The following FCRL3 variants were observed in gnomAD, a reference collection of about 807,000 sequenced individuals.
FCRL3 encodes the protein Fc receptor-like protein 3.
Under a neutral mutation model 75.0 loss-of-function variants are expected in FCRL3, and 89 were observed. The observed-to-expected ratio is 1.19, with a 90% CI of 1.00 to 1.42. FCRL3 has a LOEUF of 1.42. Ranked by LOEUF, FCRL3 falls within the 40% of genes most tolerant of loss-of-function variation. The probability of loss-of-function intolerance (pLI) is 0.00; values close to 1 mark genes in which losing one functional copy is unlikely to be tolerated. For missense variants in FCRL3, 946 were observed against 880.0 expected (o/e 1.07, Z -0.95); for synonymous variants, 376 against 348.5 (o/e 1.08, Z -0.88).
At chr1:157,683,120 T>G in intron 11 of FCRL3, 97 bp downstream of exon 11, 1 of 1,369,910 alleles carries the variant, frequency 7.3e-7, no homozygotes, top group Non-Finnish European at 1.0e-6. Context: ...AAAATGCTAC[T>G]AGGAAATCCA....
Position 157,697,139 on chromosome 1 carries a change from C to T in FCRL3, c.844+1G>A. The T allele has an allele frequency of 1.4e-6, 2 of 1,469,864 alleles. No homozygotes were observed. The highest frequency in any genetic ancestry group is 1.8e-6 in the Non-Finnish European group (2 of 1,107,488). The allele number at this position is 1,469,864 out of a possible 1,614,324, so 91.1% of individuals were successfully genotyped here. Reference sequence around the variant, plus strand: ...GGAAGAGCAGCCCCTTAGACACTCACTCTGTACACGTATCTGAGATCTCAG... The same window carrying T: ...GGAAGAGCAGCCCCTTAGACACTCATTCTGTACACGTATCTGAGATCTCAG... On this transcript the variant is annotated splice_donor_variant, in intron 6 of 14. Transcript: ENST00000368184. LOFTEE classifies it high-confidence loss of function.
intron 10 of FCRL3, among the ~76,000 whole-genome samples, chr1:157,683,617 C>A (rs1187819062): frequency 6.6e-6 from 1 of 152,116 alleles, no homozygotes; most frequent in Non-Finnish European, 1.5e-5. Context: ...CCTAGAGGGG[C>A]CAAGGGATGC....
At chr1:157,690,576 G>T in intron 8 of FCRL3, 43 bp from the exon 9 acceptor site, 1 of 1,601,928 alleles carries the variant, frequency 6.2e-7, no homozygotes, top group Non-Finnish European at 8.5e-7. Context: ...TACTTAAGTA[G>T]GTATACAAGA....
chr1:157,700,515 G>C lies in FCRL3; in HGVS notation c.-26C>G, dbSNP rs1436818469. On this transcript the variant is annotated 5_prime_UTR_variant, in exon 2 of 15. Transcript: ENST00000368184. Reference sequence around the variant, plus strand: ...GGGCACCGGCCGGGCAGAGGGTTGGGAAAGTCTGTCTCACCAAAAGCCCGA... The same window carrying C: ...GGGCACCGGCCGGGCAGAGGGTTGGCAAAGTCTGTCTCACCAAAAGCCCGA... 6.2e-7 allele frequency: 1 copy of C among 1,613,990 alleles called. No individual in the cohort carries two copies. The highest frequency in any genetic ancestry group is 1.1e-5 in the South Asian group (1 of 91,074).
chr1:157,695,644 G>T, intron 7 of FCRL3, 37 bp from the exon 8 acceptor site: 1 of 1,558,532 alleles, frequency 6.4e-7, no homozygotes, highest in Non-Finnish European at 8.7e-7. Flanking sequence ...GGATTCTGAC[G>T]TTGTGACAGA....
rs1335358885 is a variant in FCRL3, at chr1:157,678,172, A to C, written c.*538T>G. The C allele has an allele frequency of 4.1e-5, 40 of 986,154 alleles. No individual in the cohort carries two copies. The highest frequency in any genetic ancestry group is 4.8e-5 in the Non-Finnish European group (40 of 830,584). 61.1% of individuals were successfully genotyped at this position (986,154 alleles called of 1,614,324 possible). A position where few individuals can be genotyped will look rare whatever the true frequency, so the allele number is the denominator to read the frequency against. On this transcript the variant is annotated 3_prime_UTR_variant, in exon 15 of 15. Transcript: ENST00000368184. ...ATTTGGTTGGGAATGTCACCCTGTA[A>C]GTACAAAAATACACTTCAGATAGAG...
At chr1:157,685,070 C>T (rs920204328) in intron 10 of FCRL3, among the ~76,000 whole-genome samples, 2 of 151,876 alleles carry the variant, frequency 1.3e-5, no homozygotes, top group Non-Finnish European at 2.9e-5. Context: ...GACAGACCAC[C>T]TGGGCTTCTG....
intron 10 of FCRL3, among the ~76,000 whole-genome samples, chr1:157,683,971 G>A (rs1389910170): frequency 6.6e-6 from 1 of 151,862 alleles, no homozygotes; most frequent in African/African-American, 2.4e-5. Flanking sequence ...TTCATGAAAG[G>A]GTGTGCTACT....
At chr1:157,694,116 T>G (rs1208886502) in intron 8 of FCRL3, among the ~76,000 whole-genome samples, 1 of 152,182 alleles carries the variant, frequency 6.6e-6, no homozygotes, top group Admixed American at 6.5e-5. Context: ...CAGTAGTACA[T>G]GTATATAATT....
chr1:157,689,548 C>A (rs376944874), intron 10 of FCRL3, among the ~76,000 whole-genome samples: 2 of 152,000 alleles, frequency 1.3e-5, no homozygotes, highest in African/African-American at 4.8e-5. Context: ...AATTAATTTT[C>A]TAATTTTTAA....
chr1:157,698,067 C>G (rs1656072144), intron 4 of FCRL3, 148 bp from the exon 5 acceptor site: 1 of 881,770 alleles, frequency 1.1e-6, no homozygotes, highest in Non-Finnish European at 1.7e-6. Context: ...ATACCTGATT[C>G]TTCCTTGCCC....
intron 10 of FCRL3, 107 bp from the exon 11 acceptor site, chr1:157,683,351 A>C: frequency 7.3e-7 from 1 of 1,375,074 alleles, no homozygotes; most frequent in African/African-American, 1.5e-5. Context: ...GATCTAAGCT[A>C]CGGAAAAACT....
intron 8 of FCRL3, among the ~76,000 whole-genome samples, chr1:157,691,035 GTATC>G (rs1009144042): frequency 1.1e-4 from 17 of 151,664 alleles, no homozygotes; most frequent in Middle Eastern, 3.4e-3. Flanking sequence ...ATGTATGTAT[GTATC>G]TATCTATCAT....
chr1:157,684,310 A>AT (rs1338903024), intron 10 of FCRL3, among the ~76,000 whole-genome samples: 1 of 152,176 alleles, frequency 6.6e-6, no homozygotes, highest in Non-Finnish European at 1.5e-5. Flanking sequence ...TCATTGGCTT[A>AT]GAGAATGCAA....
chr1:157,700,342 A>C (rs1253662817), intron 2 of FCRL3, 117 bp downstream of exon 2: 1 of 1,495,212 alleles, frequency 6.7e-7, no homozygotes, highest in East Asian at 2.4e-5. Context: ...CTCACTTCCC[A>C]TCCCTTGCTA....
At chr1:157,688,846 G>A (rs1655332996) in intron 10 of FCRL3, among the ~76,000 whole-genome samples, 1 of 152,122 alleles carries the variant, frequency 6.6e-6, no homozygotes, top group Admixed American at 6.5e-5. Flanking sequence ...TCATGACCAA[G>A]TTGGGTTGAC....
chr1:157,676,580 G>A lies in FCRL3; in HGVS notation c.*2130C>T. The A allele has an allele frequency of 2.4e-6, 2 of 816,928 alleles. No individual in the cohort carries two copies. The highest frequency in any genetic ancestry group is 1.8e-6 in the Non-Finnish European group (1 of 540,658). 50.6% of individuals were successfully genotyped at this position (816,928 alleles called of 1,614,324 possible). A position where few individuals can be genotyped will look rare whatever the true frequency, so the allele number is the denominator to read the frequency against. Reference sequence around the variant, plus strand: ...TTTAGTTGTGAATTCAAAGATAAAAGTCAAGTAGAGCACTGCATGAGAATA... The same window carrying A: ...TTTAGTTGTGAATTCAAAGATAAAAATCAAGTAGAGCACTGCATGAGAATA... On this transcript the variant is annotated 3_prime_UTR_variant, in exon 15 of 15. Transcript: ENST00000368184.
At chr1:157,683,888 A>G (rs904101632) in intron 10 of FCRL3, among the ~76,000 whole-genome samples, 1 of 152,198 alleles carries the variant, frequency 6.6e-6, no homozygotes, top group African/African-American at 2.4e-5. Flanking sequence ...CTCCATGCAC[A>G]TAAGACCATG....
intron 13 of FCRL3, among the ~76,000 whole-genome samples, chr1:157,679,625 G>T (rs1165877302): frequency 6.6e-6 from 1 of 151,860 alleles, no homozygotes; most frequent in African/African-American, 2.4e-5. Flanking sequence ...AGATAGAAAT[G>T]ACAGAAACTC....
Sources: allele counts gnomAD v4.1 joint callset (sites outside exome capture counted in the v4.1 genomes callset), GRCh38; gene constraint gnomAD v4.1.1; transcripts MANE v1.5; gene names NCBI Gene and HGNC (gene_info 2026-07-23, HGNC 2026-07-21).